CCDC102B: variants seen among roughly 807,000 people sequenced by gnomAD.
CCDC102B encodes coiled-coil domain containing 102B.
A neutral mutation model predicts 57.4 loss-of-function variants in CCDC102B; 75 were observed. The observed-to-expected ratio is 1.31, with a 90% CI of 1.08 to 1.58. The LOEUF is 1.58. Ranked by LOEUF, CCDC102B falls within the 40% of genes most tolerant of loss-of-function variation. The probability of loss-of-function intolerance (pLI) is 0.00; values close to 1 mark genes in which losing one functional copy is unlikely to be tolerated. For missense variants in CCDC102B, 636 were observed against 582.6 expected, an observed-to-expected ratio of 1.09 and a Z score of -0.94; for synonymous variants, 206 against 201.9, an observed-to-expected ratio of 1.02 and a Z score of -0.17.
At chr18:68,836,227 TTATTTG>T (rs2037360671) in intron 1 of CCDC102B, among the ~76,000 whole-genome samples, 1 of 152,256 alleles carries the variant, frequency 6.6e-6, no homozygotes, top group Non-Finnish European at 1.5e-5. Context: ...CTTTATATTT[TTATTTG>T]TATTTGGCAA....
Position 69,043,035 on chromosome 18 carries a change from C to T in CCDC102B, c.1435-10995C>T, listed in dbSNP as rs2052470560. 2.0e-5 allele frequency among the ~76,000 whole-genome samples: 3 copies of T among 152,054 alleles called. No individual in the cohort carries two copies. In the South Asian group the frequency reaches 6.2e-4, roughly 32 times the overall value. On this transcript the variant is annotated intron_variant, in intron 7 of 7. Transcript: ENST00000360242. ...GTTCCCTTAGTATTTATTGATCATT[C>T]GTGGGTGTTTCTCCAAGAGGGGGAT...
At chr18:68,957,415 T>A (rs1389490307) in intron 6 of CCDC102B, among the ~76,000 whole-genome samples, 1 of 152,062 alleles carries the variant, frequency 6.6e-6, no homozygotes, top group African/African-American at 2.4e-5. Context: ...TGAAAATGAG[T>A]TCATTTTAGA....
Position 69,011,019 on chromosome 18 carries a change from G to A in CCDC102B, c.1349G>A (p.Arg450Gln), listed in dbSNP as rs147780703. ...NIAELTHANN[R>Q]VDQNEAEVKK... The stretch of plus-strand genomic sequence containing the variant: ...GCAGAACTGACTCATGCAAACAACC[G>A]AGTGGATCAAAATGAAGCAGAAGTA... Residue 450 changes from arginine (R) to glutamine (Q), a missense_variant, in exon 7 of 8, where the codon CGA (arginine) becomes CAA (glutamine). Coordinates refer to ENST00000360242, the MANE Select transcript of CCDC102B (RefSeq NM_024781.3). The A allele has an allele frequency of 1.9e-6, 3 of 1,613,740 alleles. No individual in the cohort carries two copies. The highest frequency in any genetic ancestry group is 1.3e-5 in the African/African-American group (1 of 74,896).
At chr18:69,049,114 A>T (rs2052638275) in intron 7 of CCDC102B, among the ~76,000 whole-genome samples, 1 of 151,714 alleles carries the variant, frequency 6.6e-6, no homozygotes, top group South Asian at 2.1e-4. Context: ...ATAGGTATAC[A>T]CGTGCTATGG....
intron 4 of CCDC102B, among the ~76,000 whole-genome samples, chr18:68,869,846 A>T (rs2144914115): frequency 1.3e-5 from 2 of 151,054 alleles, no homozygotes; most frequent in South Asian, 4.2e-4. Context: ...ATTTTTTTTT[A>T]TGGTTTTAGG....
At chr18:68,955,925 C>T (rs1018643827) in intron 6 of CCDC102B, among the ~76,000 whole-genome samples, 1 of 151,978 alleles carries the variant, frequency 6.6e-6, no homozygotes, top group Non-Finnish European at 1.5e-5. Flanking sequence ...AATCCAATTA[C>T]ACTCTTTTAG....
chr18:68,796,842 C>CGTGTGT (rs1599474261), upstream of CCDC102B, among the ~76,000 whole-genome samples: 1 of 34,858 alleles, frequency 2.9e-5, no homozygotes, highest in African/African-American at 6.0e-5. Flanking sequence ...TATGTACATG[C>CGTGTGT]ATGTGTGTGT....
At chr18:69,017,665 C>T (rs1209525186) in intron 7 of CCDC102B, among the ~76,000 whole-genome samples, 1 of 151,962 alleles carries the variant, frequency 6.6e-6, no homozygotes, top group African/African-American at 2.4e-5. Context: ...ATGAGAACAC[C>T]TAAGATCTAC....
chr18:68,893,809 A>T (rs2040156402), intron 5 of CCDC102B, among the ~76,000 whole-genome samples: 1 of 152,172 alleles, frequency 6.6e-6, no homozygotes, highest in African/African-American at 2.4e-5. Context: ...TACAGTTTTT[A>T]CAAGCAACTC....
In CCDC102B at chr18:68,906,517, T is replaced by G. The variant is rs577843099; in HGVS notation, c.1263+9089T>G. On this transcript the variant is annotated intron_variant, in intron 6 of 7. Coordinates refer to ENST00000360242, the MANE Select transcript of CCDC102B (RefSeq NM_024781.3). Reference sequence around the variant, plus strand: ...TTGTGTTTTTGTTTTGTTTTGTTTTTTATTTTTGAATTATACTCATCCCAG... The same window carrying G: ...TTGTGTTTTTGTTTTGTTTTGTTTTGTATTTTTGAATTATACTCATCCCAG... Among the ~76,000 whole-genome samples the G allele has an allele frequency of 1.0e-3, 159 of 152,344 alleles. 1 individual carries two copies. The South Asian group carries it at 0.02, about 19-fold the overall frequency.
intron 2 of CCDC102B, among the ~76,000 whole-genome samples, chr18:68,750,840 C>A (rs1303180478): frequency 6.6e-6 from 1 of 151,288 alleles, no homozygotes. Context: ...AGAAGATATA[C>A]CTAATGTAAA....
chr18:68,869,879 C>T (rs1050105300), intron 4 of CCDC102B, among the ~76,000 whole-genome samples: 3 of 151,782 alleles, frequency 2.0e-5, no homozygotes, highest in African/African-American at 7.3e-5. Flanking sequence ...GTCTTTAATC[C>T]ATCTTGAGCT....
At chr18:68,857,907 G>C (rs1254985149) in intron 4 of CCDC102B, among the ~76,000 whole-genome samples, 1 of 152,140 alleles carries the variant, frequency 6.6e-6, no homozygotes, top group East Asian at 1.9e-4. Context: ...GTTACACTCT[G>C]AAGTTTTTAT....
intron 2 of CCDC102B, among the ~76,000 whole-genome samples, chr18:68,791,045 A>G (rs1378019601): frequency 6.6e-6 from 1 of 152,220 alleles, no homozygotes; most frequent in Non-Finnish European, 1.5e-5. Flanking sequence ...AACTCATACT[A>G]TGTAGAGAAA....
At chr18:68,948,809 A>G (rs562090918) in intron 6 of CCDC102B, among the ~76,000 whole-genome samples, 1 of 152,270 alleles carries the variant, frequency 6.6e-6, no homozygotes, top group South Asian at 2.1e-4. Context: ...ACTGTGAATC[A>G]AACCACTTAT....
intron 5 of CCDC102B, among the ~76,000 whole-genome samples, chr18:68,876,171 AG>A (rs2039439203): frequency 6.6e-6 from 1 of 152,212 alleles, no homozygotes; most frequent in East Asian, 1.9e-4. Context: ...ACAGCAAAAA[AG>A]GAAGAAAGCA....
rs1336212376 is a variant in CCDC102B, at chr18:68,911,570, G to A, written c.1263+14142G>A. ...GATCGAGACCATCCTGGCTAACACG[G>A]TGAAACCCCGTCTCTACTAAAAATA... is the stretch of plus-strand genomic sequence containing the variant. On this transcript the variant is annotated intron_variant, in intron 6 of 7. Coordinates refer to ENST00000360242, the MANE Select transcript of CCDC102B (RefSeq NM_024781.3). Among the ~76,000 whole-genome samples the A allele has an allele frequency of 8.7e-5, 13 of 149,500 alleles. No homozygotes were observed. The East Asian group carries it at 1.2e-3, about 14-fold the overall frequency.
chr18:68,928,833 G>T (rs535262062), intron 6 of CCDC102B, among the ~76,000 whole-genome samples: 5 of 151,940 alleles, frequency 3.3e-5, no homozygotes, highest in Non-Finnish European at 5.9e-5. Context: ...TTTTAAAGAG[G>T]GGGGACAATG....
chr18:68,796,249 T>C (rs912336558), upstream of CCDC102B, among the ~76,000 whole-genome samples: 3 of 152,076 alleles, frequency 2.0e-5, no homozygotes, highest in South Asian at 2.1e-4. Flanking sequence ...CTGGGCAAAT[T>C]ATTGAAGTAT....
Sources: gnomAD v4.1 joint callset for allele counts (sites outside exome capture counted in the v4.1 genomes callset) on GRCh38, gnomAD v4.1.1 for gene constraint, MANE v1.5 for transcripts, NCBI Gene and HGNC (gene_info 2026-07-23, HGNC 2026-07-21) for gene names.